CAB39: variants seen among roughly 807,000 people sequenced by gnomAD.
The protein encoded by CAB39 is calcium binding protein 39, also known as calcium-binding protein 39.
Under a neutral mutation model 40.0 loss-of-function variants are expected in CAB39, and 8 were observed. That is an observed-to-expected ratio of 0.20 (90% confidence interval 0.12 to 0.36). CAB39 has a LOEUF of 0.36. Ranked by LOEUF, CAB39 falls within the 10% of genes least tolerant of loss-of-function variation. The pLI is 1.00. For synonymous variants in CAB39, 156 were observed against 141.6 expected, an observed-to-expected ratio of 1.10 and a Z score of -0.72; for missense variants, 270 against 401.1, an observed-to-expected ratio of 0.67 and a Z score of 2.79.
chr2:230,717,103 G>T (rs1366211551), intron 1 of CAB39, among the ~76,000 whole-genome samples: 1 of 152,106 alleles, frequency 6.6e-6, no homozygotes. Context: ...GTCTTTACAT[G>T]TTACAGAAAT....
intron 3 of CAB39, 140 bp from the exon 4 acceptor site, chr2:230,793,073 T>A: frequency 1.8e-6 from 1 of 560,692 alleles, no homozygotes; most frequent in Non-Finnish European, 3.3e-6. Flanking sequence ...AAGAGATAAT[T>A]TAATGTCTAT....
At chr2:230,783,820 G>A (rs1409221711) in intron 2 of CAB39, among the ~76,000 whole-genome samples, 2 of 152,072 alleles carry the variant, frequency 1.3e-5, no homozygotes, top group East Asian at 3.9e-4. Context: ...ACACTTTTAA[G>A]GAATCCCTTG....
chr2:230,813,976 GTCTTTTTTT>G, intron 6 of CAB39, 64 bp from the exon 7 acceptor site: 2 of 261,652 alleles, frequency 7.6e-6, no homozygotes, highest in Non-Finnish European at 6.2e-6. Context: ...TTACCTACCA[GTCTTTTTTT>G]TTTTTTTTTT....
At chr2:230,802,888 A>G (rs1298574780) in intron 5 of CAB39, among the ~76,000 whole-genome samples, 6 of 152,196 alleles carry the variant, frequency 3.9e-5, no homozygotes, top group Admixed American at 1.3e-4. Flanking sequence ...AAAAGAGGGA[A>G]TCTTCCCTAA....
At chr2:230,729,458 T>TA (rs1470934404) in intron 1 of CAB39, among the ~76,000 whole-genome samples, 1 of 151,970 alleles carries the variant, frequency 6.6e-6, no homozygotes, top group African/African-American at 2.4e-5. Flanking sequence ...GAGTTAAAAA[T>TA]AAGAGTTTAG....
At chr2:230,811,724 G>T (rs905623909) in intron 6 of CAB39, among the ~76,000 whole-genome samples, 1 of 152,210 alleles carries the variant, frequency 6.6e-6, no homozygotes, top group Non-Finnish European at 1.5e-5. Context: ...TATGTGACGT[G>T]CATGGCACAG....
Position 230,818,748 on chromosome 2 carries a change from G to C in CAB39, c.*44G>C, listed in dbSNP as rs773485898. The C allele has an allele frequency of 6.0e-6, 9 of 1,496,466 alleles. No homozygotes were observed. In the African/African-American group the frequency reaches 1.2e-4, roughly 21 times the overall value. The allele number at this position is 1,496,466 out of a possible 1,614,324, so 92.7% of individuals were successfully genotyped here. ...GTTAAATCCAAATTCAGCATTTGCT[G>C]TTAGCTATTCAGCATCAGGCACTCT... On this transcript the variant is annotated 3_prime_UTR_variant, in exon 9 of 9. Transcript: ENST00000258418.
intron 1 of CAB39, among the ~76,000 whole-genome samples, chr2:230,727,401 T>TG (rs1491396666): frequency 5.5e-4 from 80 of 144,200 alleles, no homozygotes; most frequent in African/African-American, 1.9e-3. Flanking sequence ...TGTGTGTGTA[T>TG]TTTTTTTTCT....
Position 230,810,243 on chromosome 2 carries a change from A to AT in CAB39, c.568-11dup, listed in dbSNP as rs527401274. 2,595 of 1,257,266 alleles carry AT rather than the reference A, an allele frequency of 2.1e-3. 14 individuals carry two copies. Among genetic ancestry groups the AT allele is most frequent in the South Asian group, 0.011 (824 of 71,932 alleles). 77.9% of individuals were successfully genotyped at this position (1,257,266 alleles called of 1,614,324 possible). ...AAAACTTGGAGAACAACTGTAAACA[A>AT]TTTTTTTTTCTTTTTGTAGGATTTA... is the stretch of plus-strand genomic sequence containing the variant. On this transcript the variant is annotated intron_variant, in intron 5 of 8. Coordinates refer to ENST00000258418, the MANE Select transcript of CAB39 (RefSeq NM_016289.4).
chr2:230,785,246 A>G (rs901490409), intron 2 of CAB39, among the ~76,000 whole-genome samples: 1 of 152,228 alleles, frequency 6.6e-6, no homozygotes, highest in African/African-American at 2.4e-5. Context: ...AATGACATGC[A>G]GGTCAGTGAC....
intron 1 of CAB39, among the ~76,000 whole-genome samples, chr2:230,725,706 T>G (rs1227878520): frequency 6.6e-6 from 1 of 152,218 alleles, no homozygotes; most frequent in East Asian, 1.9e-4. Flanking sequence ...AGGACATTTC[T>G]GATACAGAAA....
intron 1 of CAB39, among the ~76,000 whole-genome samples, chr2:230,727,722 A>T (rs931159965): frequency 6.6e-6 from 1 of 151,924 alleles, no homozygotes; most frequent in East Asian, 1.9e-4. Context: ...GCCTTAACTC[A>T]TGGAATATAT....
chr2:230,777,075 G>A (rs1264604839), intron 2 of CAB39, among the ~76,000 whole-genome samples: 2 of 152,108 alleles, frequency 1.3e-5, no homozygotes, highest in Admixed American at 6.5e-5. Flanking sequence ...GAGTGTGTGC[G>A]AGAAAGATCT....
intron 5 of CAB39, among the ~76,000 whole-genome samples, chr2:230,803,434 G>C (rs1487229616): frequency 1.3e-5 from 2 of 152,120 alleles, no homozygotes; most frequent in Admixed American, 6.5e-5. Flanking sequence ...GGAAATAAAG[G>C]GTATTCAATT....
chr2:230,773,224 A>G (rs1575936171), intron 2 of CAB39, among the ~76,000 whole-genome samples: 1 of 151,988 alleles, frequency 6.6e-6, no homozygotes, highest in Non-Finnish European at 1.5e-5. Flanking sequence ...ACAAAGGAGC[A>G]TAAAGCTTTT....
intron 1 of CAB39, among the ~76,000 whole-genome samples, chr2:230,734,704 C>T (rs991052416): frequency 2.0e-5 from 3 of 152,154 alleles, no homozygotes; most frequent in Non-Finnish European, 4.4e-5. Context: ...TCATGTTAGT[C>T]TTAAATGTAG....
At chr2:230,728,887 A>G (rs1694634461) in intron 1 of CAB39, among the ~76,000 whole-genome samples, 1 of 152,204 alleles carries the variant, frequency 6.6e-6, no homozygotes, top group Admixed American at 6.5e-5. Context: ...TGCTGGAATT[A>G]CAGGCATGAA....
intron 2 of CAB39, among the ~76,000 whole-genome samples, chr2:230,761,623 C>G (rs1695293422): frequency 1.3e-5 from 2 of 152,160 alleles, no homozygotes; most frequent in African/African-American, 4.8e-5. Flanking sequence ...TATTCCTACT[C>G]TAAATGGTCC....
chr2:230,775,392 T>C (rs758581771), intron 2 of CAB39, among the ~76,000 whole-genome samples: 2 of 151,874 alleles, frequency 1.3e-5, no homozygotes, highest in Non-Finnish European at 2.9e-5. Context: ...TGCGTTGCCA[T>C]GCCCAGCTAA....
Sources: allele counts gnomAD v4.1 joint callset (sites outside exome capture counted in the v4.1 genomes callset), GRCh38; gene constraint gnomAD v4.1.1; transcripts MANE v1.5; gene names NCBI Gene and HGNC (gene_info 2026-07-23, HGNC 2026-07-21).